FER: variants seen among roughly 807,000 people sequenced by gnomAD.
FER encodes the protein tyrosine-protein kinase Fer.
FER carries 63 observed loss-of-function variants against 111.0 expected under a neutral mutation model. That is an observed-to-expected ratio of 0.57 (90% CI 0.46 to 0.70). FER has a LOEUF of 0.70. FER is among the 30% of genes least tolerant of loss of function. FER has a pLI of 0.00. For synonymous variants in FER, 327 were observed against 313.9 expected (o/e 1.04, Z -0.44); for missense variants, 914 against 954.0 (o/e 0.96, Z 0.55).
In FER at chr5:109,191,153, A is replaced by G. The variant is rs1665792078; in HGVS notation, c.*3578A>G. 3 of 152,154 alleles carry G rather than the reference A, an allele frequency of 2.0e-5. No individual in the cohort carries two copies. The South Asian group carries it at 6.2e-4, about 31-fold the overall frequency. The allele number at this position is 152,154 out of a possible 1,614,324, so 9.4% of individuals were successfully genotyped here. A position where few individuals can be genotyped will look rare whatever the true frequency, so the allele number is the denominator to read the frequency against. On this transcript the variant is annotated 3_prime_UTR_variant, in exon 20 of 20. Transcript: ENST00000281092. ...GGACCTTGTAGTGGGATAAACAAAA[A>G]TTAAAATGCAACAATCCAAATAAAT...
intron 1 of FER, among the ~76,000 whole-genome samples, chr5:108,757,014 T>G (rs1207774769): frequency 6.6e-6 from 1 of 152,216 alleles, no homozygotes; most frequent in African/African-American, 2.4e-5. Flanking sequence ...GTTCTTTTTG[T>G]GATCTGGAAC....
chr5:109,180,437 A>T (rs935332814), intron 17 of FER, among the ~76,000 whole-genome samples: 3 of 152,220 alleles, frequency 2.0e-5, no homozygotes, highest in Non-Finnish European at 4.4e-5. Context: ...GCCAAAGGAG[A>T]AATAATGCCA....
At chr5:108,918,872 G>C (rs1752637013) in intron 10 of FER, among the ~76,000 whole-genome samples, 1 of 152,308 alleles carries the variant, frequency 6.6e-6, no homozygotes, top group Middle Eastern at 3.4e-3. Context: ...ATTGTATTCT[G>C]TGTGGAGTTC....
chr5:108,924,783 A>G, intron 10 of FER: 8 of 1,232,054 alleles, frequency 6.5e-6, no homozygotes, highest in Non-Finnish European at 7.1e-6. Context: ...AAGTCCACAG[A>G]GATCAGGTAA....
chr5:108,898,474 G>C (rs113557711), intron 10 of FER, among the ~76,000 whole-genome samples: 1,774 of 146,598 alleles, frequency 0.012, 31 homozygotes, highest in African/African-American at 0.042. Context: ...CTTCCTTTCT[G>C]TCCTCTCCTT....
intron 9 of FER, among the ~76,000 whole-genome samples, chr5:108,885,241 A>G (rs1041389610): frequency 9.9e-5 from 15 of 151,920 alleles, no homozygotes; most frequent in African/African-American, 2.9e-4. Flanking sequence ...CCCAATGTCT[A>G]AAGGCTGAAT....
intron 13 of FER, among the ~76,000 whole-genome samples, chr5:108,981,588 A>G (rs547262798): frequency 6.6e-6 from 1 of 152,098 alleles, no homozygotes; most frequent in African/African-American, 2.4e-5. Flanking sequence ...TAGCTTTTGT[A>G]AGGCTTTAAT....
rs773228644 is a variant in FER at position 108,885,283 on chromosome 5, A to G, written c.1046+1765A>G. Among the ~76,000 whole-genome samples the G allele has an allele frequency of 4.5e-4, 69 of 151,836 alleles. 1 individual carries two copies. The highest frequency in any genetic ancestry group is 8.8e-4 in the Non-Finnish European group (60 of 67,878). On this transcript the variant is annotated intron_variant, in intron 9 of 19. Coordinates refer to ENST00000281092, the MANE Select transcript of FER (RefSeq NM_005246.4). ...TCTCCATACAACCCAACCAAACTCA[A>G]CCTAACCTGGTTCACTCTTAGTATT...
chr5:108,762,517 G>C (rs2900035), intron 1 of FER, among the ~76,000 whole-genome samples: 45 of 152,014 alleles, frequency 3.0e-4, no homozygotes, highest in African/African-American at 8.2e-4. Context: ...CTTTTTAGAC[G>C]TAAGAGATCA....
chr5:109,150,511 C>T (rs545725758), intron 17 of FER, among the ~76,000 whole-genome samples: 31 of 152,286 alleles, frequency 2.0e-4, no homozygotes, highest in African/African-American at 7.2e-4. Context: ...AGCTACCTCT[C>T]TCCCTCAGAC....
chr5:109,132,647 TC>T (rs1729423876), intron 17 of FER, among the ~76,000 whole-genome samples: 1 of 152,126 alleles, frequency 6.6e-6, no homozygotes, highest in South Asian at 2.1e-4. Flanking sequence ...TTAGTCCAGT[TC>T]AAGTTCATGT....
chr5:108,959,321 G>A lies in FER; in HGVS notation c.1630G>A (p.Val544Ile). 6.2e-7 allele frequency: 1 copy of A among 1,611,580 alleles called. No homozygotes were observed. Among genetic ancestry groups the A allele is most frequent in the Non-Finnish European group, 8.5e-7 (1 of 1,178,542 alleles). Residue 544 changes from valine (V) to isoleucine (I), a missense_variant, in exon 13 of 20, where the codon GTA becomes ATA. By Grantham distance (29) the Val-to-Ile change is conservative. Transcript: ENST00000281092. ...TKQVITKKSG[V>I]VLLNPIPKDK... ...ACAGGTCATCACTAAGAAATCAGGT[G>A]TAGTTCTGCTGAATCCTATTCCTAA...
At chr5:108,749,422 A>G (rs1326236981) in intron 1 of FER, among the ~76,000 whole-genome samples, 1 of 150,308 alleles carries the variant, frequency 6.7e-6, no homozygotes, top group African/African-American at 2.5e-5. Flanking sequence ...TGGTGGGGGG[A>G]CTGTGGGCAC....
chr5:109,044,290 T>G (rs1771625533), intron 14 of FER, among the ~76,000 whole-genome samples: 1 of 151,652 alleles, frequency 6.6e-6, no homozygotes, highest in South Asian at 2.1e-4. Context: ...GCCATTCTCC[T>G]GCCTCAGCCT....
chr5:108,969,333 G>A (rs1345835045), intron 13 of FER, among the ~76,000 whole-genome samples: 1 of 152,104 alleles, frequency 6.6e-6, no homozygotes, highest in Non-Finnish European at 1.5e-5. Flanking sequence ...ATCCAGTGGA[G>A]TACTGTGAAT....
intron 13 of FER, among the ~76,000 whole-genome samples, chr5:109,018,294 C>T (rs1454003875): frequency 6.6e-6 from 1 of 151,768 alleles, no homozygotes; most frequent in African/African-American, 2.4e-5. Context: ...ATCCTGCCCA[C>T]TTAGAAATAG....
intron 3 of FER, among the ~76,000 whole-genome samples, chr5:108,828,252 A>T (rs973720490): frequency 6.6e-6 from 1 of 152,182 alleles, no homozygotes; most frequent in African/African-American, 2.4e-5. Context: ...TTCCTTAAAA[A>T]GCACTTTTGA....
chr5:109,028,689 T>G (rs1166124004), intron 13 of FER, among the ~76,000 whole-genome samples: 8 of 152,222 alleles, frequency 5.3e-5, no homozygotes, highest in African/African-American at 1.7e-4. Context: ...TAAGTTATAT[T>G]CAAGGCTAGG....
chr5:108,918,681 G>A (rs1012537214), intron 10 of FER, among the ~76,000 whole-genome samples: 1 of 151,874 alleles, frequency 6.6e-6, no homozygotes, highest in Admixed American at 6.6e-5. Context: ...TAGAGACGGG[G>A]TTTCACTGTG....
Sources: gnomAD v4.1 joint callset for allele counts (sites outside exome capture counted in the v4.1 genomes callset) on GRCh38, gnomAD v4.1.1 for gene constraint, MANE v1.5 for transcripts, NCBI Gene and HGNC (gene_info 2026-07-23, HGNC 2026-07-21) for gene names.